PUS7L: variants seen among roughly 807,000 people sequenced by gnomAD.
PUS7L encodes pseudouridylate synthase PUS7L.
In PUS7L, 49 loss-of-function variants were observed where a neutral mutation model predicts 51.1. The ratio of observed to expected loss-of-function variants is 0.96; its 90% CI spans 0.76 to 1.22. The LOEUF is 1.22. PUS7L is among the 50% of genes most tolerant of loss of function. The pLI, the probability that PUS7L is intolerant of heterozygous loss-of-function variation, is 0.00. For synonymous variants in PUS7L, 277 were observed against 276.2 expected (o/e 1.00, Z -0.03); for missense variants, 828 against 820.6 (o/e 1.01, Z -0.11).
intron 2 of PUS7L, among the ~76,000 whole-genome samples, chr12:43,750,610 G>A (rs1312729274): frequency 6.6e-6 from 1 of 152,050 alleles, no homozygotes; most frequent in Non-Finnish European, 1.5e-5. Context: ...AGCCCTGTTG[G>A]AATAACTGAC....
In PUS7L at chr12:43,755,195, A is replaced by G. The variant is rs1437717692; in HGVS notation, c.51T>C (p.Phe17=). 1 of 1,610,904 alleles carries G rather than the reference A, an allele frequency of 6.2e-7. No individual in the cohort carries two copies. Among genetic ancestry groups the G allele is most frequent in the Admixed American group, 1.7e-5 (1 of 59,438 alleles). ...YRIRFSSLCF[F]NDHVGFHGTI... ...TGCCATGAAATCCAACGTGATCATTAAAGAAACACAAAGAACTAAACCTGA... is the reference window on the plus strand; with the variant it reads ...TGCCATGAAATCCAACGTGATCATTGAAGAAACACAAAGAACTAAACCTGA... Residue 17 remains phenylalanine, a synonymous_variant, in exon 2 of 9, where the codon TTT becomes TTC. Transcript: ENST00000344862.
At chr12:43,758,665 C>CG (rs1555163685) in intron 1 of PUS7L, 65 bp downstream of exon 1, 4 of 564,792 alleles carry the variant, frequency 7.1e-6, no homozygotes, top group African/African-American at 5.1e-5. Context: ...CCCCCCCCCC[C>CG]CACACACACA....
rs927921601 is a variant in PUS7L at position 43,728,447 on chromosome 12, C to T, written c.*1929G>A. ...AACTAGGATTTAATAATGTATATAACTCATTTTATGATTACATTTATAGGA... is the reference window on the plus strand; with the variant it reads ...AACTAGGATTTAATAATGTATATAATTCATTTTATGATTACATTTATAGGA... On this transcript the variant is annotated 3_prime_UTR_variant, in exon 9 of 9. Coordinates refer to ENST00000344862, the MANE Select transcript of PUS7L (RefSeq NM_031292.5). 6.6e-6 allele frequency: 1 copy of T among 151,962 alleles called. No homozygotes were observed. Among genetic ancestry groups the T allele is most frequent in the Non-Finnish European group, 1.5e-5 (1 of 67,978 alleles). 9.4% of individuals were successfully genotyped at this position (151,962 alleles called of 1,614,324 possible). A position where few individuals can be genotyped will look rare whatever the true frequency, so the allele number is the denominator to read the frequency against.
rs1485736360 is a variant in PUS7L at position 43,729,759 on chromosome 12, G to A, written c.*617C>T. On this transcript the variant is annotated 3_prime_UTR_variant, in exon 9 of 9. Coordinates refer to ENST00000344862, the MANE Select transcript of PUS7L (RefSeq NM_031292.5). ...ATGAAAAAATTACAAATGGTCAAGAGGGTCAGCGTATGCCAAGATATAAAA... is the reference window on the plus strand; with the variant it reads ...ATGAAAAAATTACAAATGGTCAAGAAGGTCAGCGTATGCCAAGATATAAAA... The A allele has an allele frequency of 6.6e-6, 1 of 152,278 alleles. No individual in the cohort carries two copies. The highest frequency in any genetic ancestry group is 6.5e-5 in the Admixed American group (1 of 15,270). The allele number at this position is 152,278 out of a possible 1,614,324, so 9.4% of individuals were successfully genotyped here. A position where few individuals can be genotyped will look rare whatever the true frequency, so the allele number is the denominator to read the frequency against.
intron 5 of PUS7L, chr12:43,739,404 T>G (rs1937777458): frequency 6.6e-6 from 1 of 152,248 alleles, no homozygotes; most frequent in Non-Finnish European, 1.5e-5. Context: ...ATTAAAGTTA[T>G]GTTTCACCCA....
At chr12:43,758,485 AACTAGGGCGTCGTTGCCCTCC>A in intron 1 of PUS7L, 1 of 985,606 alleles carries the variant, frequency 1.0e-6, no homozygotes, top group Non-Finnish European at 1.2e-6. Flanking sequence ...CTTCACAGAA[AACTAGGGCGTCGTTGCCCTCC>A]AGCACGTCCA....
chr12:43,736,401 C>T lies in PUS7L; in HGVS notation c.1705G>A (p.Glu569Lys), dbSNP rs751458770. 28 of 1,613,724 alleles carry T rather than the reference C, an allele frequency of 1.7e-5. No individual in the cohort carries two copies. Among genetic ancestry groups the T allele is most frequent in the South Asian group, 9.9e-5 (9 of 91,070 alleles). Reference sequence around the variant, plus strand: ...CTTACTTTACTATTTGGGAAATTCTCGTCATCAATGTCTTCATCCAAACAG... The same window carrying T: ...CTTACTTTACTATTTGGGAAATTCTTGTCATCAATGTCTTCATCCAAACAG... ...LVCLDEDIDD[E>K]NFPNSKIHLV... The change falls in exon 7 of 9, where the codon GAG becomes AAG. Residue 569 changes from glutamate to lysine, a missense_variant. Glu to Lys is a moderately conservative substitution (Grantham distance 56). Transcript: ENST00000344862.
rs983080587 is a variant in PUS7L, at chr12:43,729,866, CACAA to C, written c.*506_*509del. ...GTAATAACTACTCTGGGGTATCTATCACAAACAGAGGTATGGCATTTCCCTTGTA... is the reference window on the plus strand; with the variant it reads ...GTAATAACTACTCTGGGGTATCTATCACAGAGGTATGGCATTTCCCTTGTA... On this transcript the variant is annotated 3_prime_UTR_variant, in exon 9 of 9. Transcript: ENST00000344862. 3 of 154,010 alleles carry C rather than the reference CACAA, an allele frequency of 1.9e-5. No individual in the cohort carries two copies. The highest frequency in any genetic ancestry group is 7.2e-5 in the African/African-American group (3 of 41,440). The allele number at this position is 154,010 out of a possible 1,614,324, so 9.5% of individuals were successfully genotyped here.
chr12:43,724,653 T>G lies in PUS7L; in HGVS notation c.*5723A>C, dbSNP rs944101802. 1 of 152,118 alleles carries G rather than the reference T, an allele frequency of 6.6e-6. No individual in the cohort carries two copies. Among genetic ancestry groups the G allele is most frequent in the South Asian group, 2.1e-4 (1 of 4,834 alleles). The allele number at this position is 152,118 out of a possible 1,614,324, so 9.4% of individuals were successfully genotyped here. On this transcript the variant is annotated 3_prime_UTR_variant, in exon 9 of 9. Coordinates refer to ENST00000344862, the MANE Select transcript of PUS7L (RefSeq NM_031292.5). ...AAATGATAACTAACAGTACTTCAAG[T>G]CCAAGAATTCTACAACAGAATCAGT...
chr12:43,726,671 T>C lies in PUS7L; in HGVS notation c.*3705A>G, dbSNP rs1181708098. 1.3e-5 allele frequency: 2 copies of C among 152,062 alleles called. No individual in the cohort carries two copies. The highest frequency in any genetic ancestry group is 4.8e-5 in the African/African-American group (2 of 41,428). 9.4% of individuals were successfully genotyped at this position (152,062 alleles called of 1,614,324 possible). On this transcript the variant is annotated 3_prime_UTR_variant, in exon 9 of 9. Transcript: ENST00000344862. ...GGTGAAACCCCGTCTCTAATAAAAATACAAAAATTAGCCAGGTGTGGTGGT... is the reference window on the plus strand; with the variant it reads ...GGTGAAACCCCGTCTCTAATAAAAACACAAAAATTAGCCAGGTGTGGTGGT...
In PUS7L at chr12:43,730,094, G is replaced by A. The variant is rs567734860; in HGVS notation, c.*282C>T. On this transcript the variant is annotated 3_prime_UTR_variant, in exon 9 of 9. Transcript: ENST00000344862. The stretch of plus-strand genomic sequence containing the variant: ...TTGCAGTATTATATATATTCCTAAT[G>A]GTTTTAAAAGATTGTAACTTTATGA... 44 of 330,118 alleles carry A rather than the reference G, an allele frequency of 1.3e-4. No individual in the cohort carries two copies. The highest frequency in any genetic ancestry group is 8.6e-4 in the African/African-American group (42 of 48,726). 20.4% of individuals were successfully genotyped at this position (330,118 alleles called of 1,614,324 possible).
chr12:43,742,433 GATTAC>G lies in PUS7L; in HGVS notation c.1362+19_1362+23del, dbSNP rs772139537. The stretch of plus-strand genomic sequence containing the variant: ...AAGTATAATTGACAGAAACAGATAA[GATTAC>G]ATTTTTCAAAATCCATACCATTTCA... On this transcript the variant is annotated intron_variant, in intron 5 of 8. Transcript: ENST00000344862. The G allele has an allele frequency of 2.3e-5, 34 of 1,508,982 alleles. No individual in the cohort carries two copies. The Admixed American group carries it at 4.4e-4, about 20-fold the overall frequency. The allele number at this position is 1,508,982 out of a possible 1,614,324, so 93.5% of individuals were successfully genotyped here. A position where few individuals can be genotyped will look rare whatever the true frequency, so the allele number is the denominator to read the frequency against.
In PUS7L at chr12:43,720,522, G is replaced by T. The variant is rs574301233; in HGVS notation, c.*9854C>A. 42 of 152,270 alleles carry T rather than the reference G, an allele frequency of 2.8e-4. No homozygotes were observed. The highest frequency in any genetic ancestry group is 9.7e-4 in the East Asian group (5 of 5,178). The allele number at this position is 152,270 out of a possible 1,614,324, so 9.4% of individuals were successfully genotyped here. On this transcript the variant is annotated 3_prime_UTR_variant, in exon 9 of 9. Coordinates refer to ENST00000344862, the MANE Select transcript of PUS7L (RefSeq NM_031292.5). ...TGCATCTCTTAATTTCTGATATATA[G>T]AGATTTTCCTGTTATCTTTTTGTTG...
Position 43,730,397 on chromosome 12 carries a change from T to C in PUS7L, c.2085A>G (p.Glu695=). The part of the protein sequence containing the change: ...ASCYATVCLK[E]IMKHDV ...AGTTTTAAACGTCATGCTTCATTAT[T>C]TCCTTCAGACAAACGGTAGCATAGC... The change falls in exon 9 of 9, where the codon GAA becomes GAG. Residue 695 remains glutamate (E), a synonymous_variant. Coordinates refer to ENST00000344862, the MANE Select transcript of PUS7L (RefSeq NM_031292.5). 6.2e-7 allele frequency: 1 copy of C among 1,613,422 alleles called. No individual in the cohort carries two copies. The highest frequency in any genetic ancestry group is 8.5e-7 in the Non-Finnish European group (1 of 1,179,558).
chr12:43,749,267 T>C (rs1938326857), intron 2 of PUS7L, among the ~76,000 whole-genome samples: 1 of 152,224 alleles, frequency 6.6e-6, no homozygotes, highest in Non-Finnish European at 1.5e-5. Flanking sequence ...TCAACAGTTT[T>C]GTACTTTCGT....
Position 43,727,596 on chromosome 12 carries a change from A to G in PUS7L, c.*2780T>C, listed in dbSNP as rs957694831. 1.3e-5 allele frequency: 2 copies of G among 152,154 alleles called. No homozygotes were observed. The highest frequency in any genetic ancestry group is 2.9e-5 in the Non-Finnish European group (2 of 68,020). 9.4% of individuals were successfully genotyped at this position (152,154 alleles called of 1,614,324 possible). On this transcript the variant is annotated 3_prime_UTR_variant, in exon 9 of 9. Coordinates refer to ENST00000344862, the MANE Select transcript of PUS7L (RefSeq NM_031292.5). ...TTAATGCAGGAACAGAAAACCAAAT[A>G]CCAAATGTTCTTACTCATAAGTGGG...
intron 4 of PUS7L, among the ~76,000 whole-genome samples, chr12:43,744,905 T>C (rs1433304841): frequency 6.6e-6 from 1 of 152,208 alleles, no homozygotes; most frequent in Non-Finnish European, 1.5e-5. Flanking sequence ...GGAGTAGATA[T>C]CAATGGGTGA....
At position 43,719,047 on chromosome 12, in the gene PUS7L, A is replaced by G. The variant is rs1015960190; in HGVS notation, c.*11329T>C. On this transcript the variant is annotated 3_prime_UTR_variant, in exon 9 of 9. Transcript: ENST00000344862. ...AAAAAATTTGATACATAACAATATA[A>G]AAGTCCTTAAAATTTATTGAAAGTG... is the stretch of plus-strand genomic sequence containing the variant. 6.6e-6 allele frequency: 1 copy of G among 151,648 alleles called. No individual in the cohort carries two copies. The allele number at this position is 151,648 out of a possible 1,614,324, so 9.4% of individuals were successfully genotyped here.
At chr12:43,749,714 C>A (rs747723302) in intron 2 of PUS7L, among the ~76,000 whole-genome samples, 2 of 152,082 alleles carry the variant, frequency 1.3e-5, no homozygotes, top group African/African-American at 4.8e-5. Flanking sequence ...TACTACACAG[C>A]CACTAAAAAG....
Sources: gnomAD v4.1 joint callset for allele counts (sites outside exome capture counted in the v4.1 genomes callset) on GRCh38, gnomAD v4.1.1 for gene constraint, MANE v1.5 for transcripts, NCBI Gene and HGNC (gene_info 2026-07-23, HGNC 2026-07-21) for gene names.